The following CALD1 variants were observed in gnomAD, a reference collection of about 807,000 sequenced individuals.
The protein encoded by CALD1 is caldesmon.
Under a neutral mutation model 99.9 loss-of-function variants are expected in CALD1, and 33 were observed. The ratio of observed to expected loss-of-function variants is 0.33; its 90% CI spans 0.25 to 0.44. CALD1 has a LOEUF of 0.44. Ranked by LOEUF, CALD1 falls within the 20% of genes least tolerant of loss-of-function variation. The pLI, the probability that CALD1 is intolerant of heterozygous loss-of-function variation, is 1.00. For synonymous variants in CALD1, 310 were observed against 325.0 expected (o/e 0.95, Z 0.50); for missense variants, 861 against 962.1 (o/e 0.89, Z 1.39).
At chr7:134,722,488 T>A in the CALD1 span, among the ~76,000 whole-genome samples, 228 of 152,208 alleles carry the variant, frequency 1.5e-3, 2 homozygotes, top group African/African-American at 5.3e-3. Context: ...TGGCACAATC[T>A]CAGCTCACTG....
At chr7:134,838,533 A>G (rs923791538) in intron 1 of CALD1, among the ~76,000 whole-genome samples, 2 of 152,366 alleles carry the variant, frequency 1.3e-5, no homozygotes, top group South Asian at 4.1e-4. Context: ...TAGTCCCTGT[A>G]TTTGGATTGC....
At chr7:134,857,387 G>A (rs1001624513) in intron 2 of CALD1, among the ~76,000 whole-genome samples, 2 of 151,324 alleles carry the variant, frequency 1.3e-5, no homozygotes, top group Non-Finnish European at 2.9e-5. Flanking sequence ...TTGATCTCCC[G>A]GCCTCGTGAT....
chr7:134,970,222 T>C lies in CALD1; in HGVS notation c.*1877T>C, dbSNP rs898209968. The C allele has an allele frequency of 6.6e-6, 1 of 152,212 alleles. No individual in the cohort carries two copies. Among genetic ancestry groups the C allele is most frequent in the African/African-American group, 2.4e-5 (1 of 41,450 alleles). 9.4% of individuals were successfully genotyped at this position (152,212 alleles called of 1,614,324 possible). A position where few individuals can be genotyped will look rare whatever the true frequency, so the allele number is the denominator to read the frequency against. ...CCCAGGTAGCATTGACTCCCGTCATTGGAGTGAAATGGATCAAAGTTTGAA... is the reference window on the plus strand; with the variant it reads ...CCCAGGTAGCATTGACTCCCGTCATCGGAGTGAAATGGATCAAAGTTTGAA... On this transcript the variant is annotated 3_prime_UTR_variant, in exon 15 of 15. Coordinates refer to ENST00000361675, the MANE Select transcript of CALD1 (RefSeq NM_033138.4).
intron 1 of CALD1, among the ~76,000 whole-genome samples, chr7:134,827,835 G>A (rs768594062): frequency 1.4e-4 from 22 of 152,180 alleles, no homozygotes; most frequent in Admixed American, 2.6e-4. Context: ...CACAAACTCA[G>A]GACCGTCTAC....
intron 1 of CALD1, among the ~76,000 whole-genome samples, chr7:134,800,814 C>T (rs1295663691): frequency 1.3e-5 from 2 of 151,890 alleles, no homozygotes; most frequent in Admixed American, 6.6e-5. Context: ...ATGTTTTCTT[C>T]AAGTTTCAGA....
At chr7:134,959,301 C>CT (rs1449093307) in intron 11 of CALD1, among the ~76,000 whole-genome samples, 1 of 152,092 alleles carries the variant, frequency 6.6e-6, no homozygotes, top group Non-Finnish European at 1.5e-5. Flanking sequence ...CTGCCTCAGC[C>CT]TCCCAACCGT....
At position 134,928,882 on chromosome 7, in the gene CALD1, A is replaced by T. The variant is rs984683497; in HGVS notation, c.200A>T (p.Glu67Val). Residue 67 changes from glutamate (E) to valine (V), a missense_variant, in exon 4 of 15, where the codon GAG (glutamate) becomes GTG (valine). This residue lies in a region of CALD1 where 123 missense variants were observed against 169.8 expected (regional missense o/e 0.72). Transcript: ENST00000361675. Reference protein sequence around the residue: ...ESLGQVTDQVEVNAQNSVPDE... With the variant: ...ESLGQVTDQVVVNAQNSVPDE... Reference sequence around the variant, plus strand: ...TTGGGACAGGTGACCGACCAGGTGGAGGTGAATGCCCAGAACAGGTACTGT... The same window carrying T: ...TTGGGACAGGTGACCGACCAGGTGGTGGTGAATGCCCAGAACAGGTACTGT... The T allele has an allele frequency of 6.2e-7, 1 of 1,613,324 alleles. No homozygotes were observed. Among genetic ancestry groups the T allele is most frequent in the Non-Finnish European group, 8.5e-7 (1 of 1,179,740 alleles).
chr7:134,749,682 C>G (rs1471532823), intron 1 of CALD1, among the ~76,000 whole-genome samples: 3 of 152,110 alleles, frequency 2.0e-5, no homozygotes, highest in Non-Finnish European at 4.4e-5. Flanking sequence ...TGTGTAAGGT[C>G]AAGATGCACC....
At chr7:134,913,921 A>G (rs988446715) in intron 3 of CALD1, among the ~76,000 whole-genome samples, 4 of 152,206 alleles carry the variant, frequency 2.6e-5, no homozygotes, top group Non-Finnish European at 4.4e-5. Context: ...AGGGCACCCT[A>G]AGAAAGCTTC....
chr7:134,911,538 A>G lies in CALD1; in HGVS notation c.72-17216A>G, dbSNP rs548542468. 1.5e-4 allele frequency among the ~76,000 whole-genome samples: 23 copies of G among 152,314 alleles called. No homozygotes were observed. In the South Asian group the frequency reaches 4.8e-3, roughly 32 times the overall value. On this transcript the variant is annotated intron_variant, in intron 3 of 14. Coordinates refer to ENST00000361675, the MANE Select transcript of CALD1 (RefSeq NM_033138.4). ...TAGAATTGTCAGCCTTTCCCTACAC[A>G]TGGACTGGAGTCATATTTCATTGAT...
intron 14 of CALD1, among the ~76,000 whole-genome samples, chr7:134,966,912 G>A (rs956482977): frequency 6.6e-6 from 1 of 151,992 alleles, no homozygotes; most frequent in Non-Finnish European, 1.5e-5. Flanking sequence ...ATGGTTCCCA[G>A]GAAGACATTC....
intron 4 of CALD1, among the ~76,000 whole-genome samples, chr7:134,931,791 G>A (rs1805540061): frequency 1.3e-5 from 2 of 152,134 alleles, no homozygotes; most frequent in Admixed American, 1.3e-4. Context: ...TAAAATAAAT[G>A]TCAAATTTAA....
rs73454253 is a variant in CALD1 at position 134,912,222 on chromosome 7, G to A, written c.72-16532G>A. On this transcript the variant is annotated intron_variant, in intron 3 of 14. Coordinates refer to ENST00000361675, the MANE Select transcript of CALD1 (RefSeq NM_033138.4). Reference sequence around the variant, plus strand: ...CACAAAAATAGTGCCCTGGAAAAATGGAACATGAGTCCCCTGCACCCCCAG... The same window carrying A: ...CACAAAAATAGTGCCCTGGAAAAATAGAACATGAGTCCCCTGCACCCCCAG... Among the ~76,000 whole-genome samples, 674 of 152,326 alleles carry A rather than the reference G, an allele frequency of 4.4e-3. 3 individuals are homozygous for A. Among genetic ancestry groups the A allele is most frequent in the African/African-American group, 0.015 (639 of 41,572 alleles).
chr7:134,924,840 G>A (rs1339409352), intron 3 of CALD1, among the ~76,000 whole-genome samples: 11 of 152,016 alleles, frequency 7.2e-5, no homozygotes, highest in Admixed American at 2.6e-4. Flanking sequence ...AGTTTCCCCC[G>A]TGCTATTCTC....
intron 9 of CALD1, among the ~76,000 whole-genome samples, chr7:134,950,995 C>G (rs764261097): frequency 5.3e-5 from 8 of 152,148 alleles, no homozygotes; most frequent in Non-Finnish European, 8.8e-5. Context: ...GCTGGAAAGT[C>G]AAAGATCAAG....
At chr7:134,787,676 A>G (rs1342924656) in intron 1 of CALD1, among the ~76,000 whole-genome samples, 1 of 152,214 alleles carries the variant, frequency 6.6e-6, no homozygotes, top group Non-Finnish European at 1.5e-5. Flanking sequence ...GCTTTTGCAG[A>G]AGGACAGAAA....
rs541880872 is a variant in CALD1, at chr7:134,964,112, G to A, written c.2296-1194G>A. ...CTTGGGAGGCTGAGGCAGGAGAATCGCTTGAACCCGGGAGTCGGAGGTTGC... is the reference window on the plus strand; with the variant it reads ...CTTGGGAGGCTGAGGCAGGAGAATCACTTGAACCCGGGAGTCGGAGGTTGC... On this transcript the variant is annotated intron_variant, in intron 13 of 14. Coordinates refer to ENST00000361675, the MANE Select transcript of CALD1 (RefSeq NM_033138.4). Among the ~76,000 whole-genome samples, 20 of 152,280 alleles carry A rather than the reference G, an allele frequency of 1.3e-4. No homozygotes were observed. The East Asian group carries it at 3.1e-3, about 24-fold the overall frequency.
At chr7:134,735,348 A>T in the CALD1 span, among the ~76,000 whole-genome samples, 3 of 152,186 alleles carry the variant, frequency 2.0e-5, no homozygotes. Context: ...GGGAAAGTTC[A>T]TTGCATATTA....
At chr7:134,743,532 C>A (rs546070804), upstream of CALD1, among the ~76,000 whole-genome samples, 1 of 152,276 alleles carries the variant, frequency 6.6e-6, no homozygotes, top group African/African-American at 2.4e-5. Context: ...TCCTCTGATG[C>A]CTGGTAAAGT....
Sources: allele counts gnomAD v4.1 joint callset (sites outside exome capture counted in the v4.1 genomes callset), GRCh38; gene constraint gnomAD v4.1.1; regional missense constraint gnomAD v4.1.1; transcripts MANE v1.5; gene names NCBI Gene and HGNC (gene_info 2026-07-23, HGNC 2026-07-21).